The following RIMS2 variants were observed in gnomAD, a reference collection of about 807,000 sequenced individuals.
RIMS2 encodes regulating synaptic membrane exocytosis 2, also known as regulating synaptic membrane exocytosis protein 2.
A neutral mutation model predicts 174.4 loss-of-function variants in RIMS2; 59 were observed. The ratio of observed to expected loss-of-function variants is 0.34; its 90% confidence interval spans 0.27 to 0.42. The LOEUF is 0.42. Among genes scored for constraint, RIMS2 ranks in the 10% least tolerant of loss-of-function variants. The pLI, the probability that RIMS2 is intolerant of heterozygous loss-of-function variation, is 1.00. For synonymous variants in RIMS2, 606 were observed against 572.5 expected, an observed-to-expected ratio of 1.06 and a Z score of -0.84; for missense variants, 1,620 against 1,666.3, an observed-to-expected ratio of 0.97 and a Z score of 0.48.
intron 19 of RIMS2, among the ~76,000 whole-genome samples, chr8:104,175,122 T>G (rs2098872749): frequency 6.6e-6 from 1 of 152,180 alleles, no homozygotes; most frequent in South Asian, 2.1e-4. Context: ...ATACACCAAG[T>G]GCACCTTTGA....
At chr8:103,571,310 G>C (rs1563824311) in intron 1 of RIMS2, among the ~76,000 whole-genome samples, 1 of 152,116 alleles carries the variant, frequency 6.6e-6, no homozygotes, top group Non-Finnish European at 1.5e-5. Context: ...ATAATAGTCT[G>C]ATCAATTTAC....
chr8:104,229,600 C>T (rs906579006), intron 19 of RIMS2, among the ~76,000 whole-genome samples: 8 of 152,228 alleles, frequency 5.3e-5, no homozygotes, highest in South Asian at 2.1e-4. Context: ...CATTTCTTGC[C>T]GTTGATTCTG....
At chr8:103,768,029 G>A (rs2154425625) in intron 3 of RIMS2, among the ~76,000 whole-genome samples, 1 of 152,298 alleles carries the variant, frequency 6.6e-6, no homozygotes, top group Non-Finnish European at 1.5e-5. Context: ...AACACTTACA[G>A]TCAGCAGATT....
intron 19 of RIMS2, among the ~76,000 whole-genome samples, chr8:104,175,809 G>A (rs1251829198): frequency 1.3e-5 from 2 of 152,208 alleles, no homozygotes; most frequent in East Asian, 1.9e-4. Context: ...ATCACCAAAC[G>A]GGCCCAGTAA....
At chr8:103,530,910 G>A (rs1483795234) in intron 1 of RIMS2, among the ~76,000 whole-genome samples, 1 of 151,832 alleles carries the variant, frequency 6.6e-6, no homozygotes, top group Non-Finnish European at 1.5e-5. Flanking sequence ...TGTATTAAAT[G>A]TGAAAATTTA....
chr8:104,133,923 A>G (rs74458396), intron 19 of RIMS2, among the ~76,000 whole-genome samples: 173 of 152,294 alleles, frequency 1.1e-3, no homozygotes, highest in African/African-American at 3.9e-3. Flanking sequence ...GAACACATCA[A>G]ATTTGTGATA....
At chr8:104,033,793 T>C (rs2096453045) in intron 19 of RIMS2, among the ~76,000 whole-genome samples, 1 of 152,128 alleles carries the variant, frequency 6.6e-6, no homozygotes, top group Non-Finnish European at 1.5e-5. Context: ...GAAATTGGGA[T>C]ATTTAAAGAA....
At chr8:103,927,900 T>G (rs1279956646) in intron 11 of RIMS2, 2 of 1,603,568 alleles carry the variant, frequency 1.2e-6, no homozygotes, top group South Asian at 2.2e-5. Context: ...GTAAAGGCCT[T>G]GTCTGCCTGA....
At chr8:104,032,463 C>G (rs2096415875) in intron 19 of RIMS2, among the ~76,000 whole-genome samples, 1 of 151,862 alleles carries the variant, frequency 6.6e-6, no homozygotes, top group African/African-American at 2.4e-5. Flanking sequence ...TGACCTTAAG[C>G]AGTAGGATAT....
At chr8:103,585,077 C>G (rs1451790902) in intron 1 of RIMS2, among the ~76,000 whole-genome samples, 4 of 152,140 alleles carry the variant, frequency 2.6e-5, no homozygotes, top group Non-Finnish European at 5.9e-5. Context: ...GAGCAGGAGT[C>G]TGTTGATATG....
At chr8:103,900,337 C>T (rs1238642748) in intron 4 of RIMS2, among the ~76,000 whole-genome samples, 1 of 151,636 alleles carries the variant, frequency 6.6e-6, no homozygotes, top group Non-Finnish European at 1.5e-5. Context: ...GATTCTCCTG[C>T]CTCAGCCTCC....
At chr8:104,224,933 A>G (rs2099176238) in intron 19 of RIMS2, among the ~76,000 whole-genome samples, 1 of 152,254 alleles carries the variant, frequency 6.6e-6, no homozygotes, top group Non-Finnish European at 1.5e-5. Context: ...TATAGATTTA[A>G]CAGCAGGGGA....
intron 3 of RIMS2, among the ~76,000 whole-genome samples, chr8:103,800,222 A>G (rs6468892): frequency 0.4 from 60,981 of 151,738 alleles, 12,681 homozygotes; most frequent in African/African-American, 0.44. Context: ...ACCACACTGT[A>G]ATTTTTTTTT....
chr8:103,552,448 T>C (rs989904452), intron 1 of RIMS2, among the ~76,000 whole-genome samples: 2 of 152,112 alleles, frequency 1.3e-5, no homozygotes, highest in African/African-American at 4.8e-5. Flanking sequence ...AAAAATTAAT[T>C]CAAGATGGAT....
intron 19 of RIMS2, among the ~76,000 whole-genome samples, chr8:104,151,971 C>T (rs1186237126): frequency 1.3e-5 from 2 of 152,076 alleles, no homozygotes; most frequent in African/African-American, 2.4e-5. Flanking sequence ...GTAGAATATT[C>T]AAAAACAGAA....
intron 19 of RIMS2, among the ~76,000 whole-genome samples, chr8:104,154,157 C>T (rs796455274): frequency 3.3e-5 from 5 of 152,186 alleles, no homozygotes; most frequent in South Asian, 2.1e-4. Context: ...TATCTCCATT[C>T]GATAGATGGG....
At chr8:103,842,736 T>G (rs1315674915) in intron 3 of RIMS2, among the ~76,000 whole-genome samples, 2 of 152,184 alleles carry the variant, frequency 1.3e-5, no homozygotes, top group Non-Finnish European at 2.9e-5. Context: ...GTTATAGAAG[T>G]TTTTTAAAAA....
chr8:103,634,117 G>T (rs1178889912), intron 1 of RIMS2, among the ~76,000 whole-genome samples: 1 of 152,176 alleles, frequency 6.6e-6, no homozygotes, highest in Non-Finnish European at 1.5e-5. Context: ...AAGCTAGGTT[G>T]TTAATTTGAG....
intron 3 of RIMS2, among the ~76,000 whole-genome samples, chr8:103,788,956 C>T (rs565967658): frequency 3.9e-5 from 6 of 152,278 alleles, no homozygotes; most frequent in East Asian, 1.9e-4. Context: ...GAGCCAGGTG[C>T]GGGATATAAT....
Sources: gnomAD v4.1 joint callset for allele counts (sites outside exome capture counted in the v4.1 genomes callset) on GRCh38, gnomAD v4.1.1 for gene constraint, MANE v1.5 for transcripts, NCBI Gene and HGNC (gene_info 2026-07-23, HGNC 2026-07-21) for gene names.